TNKS: variants seen among roughly 807,000 people sequenced by gnomAD.
TNKS encodes poly [ADP-ribose] polymerase tankyrase-1.
A neutral mutation model predicts 135.8 loss-of-function variants in TNKS; 72 were observed. That is an observed-to-expected ratio of 0.53 (90% CI 0.44 to 0.64). TNKS has a LOEUF of 0.64. Among genes scored for constraint, TNKS ranks in the 30% least tolerant of loss-of-function variants. TNKS has a pLI of 0.00. For synonymous variants in TNKS, 849 were observed against 649.3 expected (o/e 1.31, Z -4.68); for missense variants, 1,769 against 1,674.0 (o/e 1.06, Z -0.99).
chr8:9,728,931 T>C (rs949579613), intron 13 of TNKS, among the ~76,000 whole-genome samples: 1 of 152,200 alleles, frequency 6.6e-6, no homozygotes, highest in African/African-American at 2.4e-5. Context: ...AGTCTATTTG[T>C]GCTGCTATAA....
rs1563187744 is a variant in TNKS, at chr8:9,717,092, TATATATA to T, written c.1750-3281_1750-3275del. On this transcript the variant is annotated intron_variant, in intron 11 of 26. Transcript: ENST00000310430. ...ATTATAATATATATATATATATATA[TATATATA>T]TATTTTCAGGGAATTTGATTGTTTC... Among the ~76,000 whole-genome samples the T allele has an allele frequency of 1.7e-3, 220 of 128,836 alleles. 4 individuals are homozygous for T. The highest frequency in any genetic ancestry group is 6.0e-3 in the African/African-American group (217 of 36,338). 84.5% of individuals were successfully genotyped at this position (128,836 alleles called of 152,430 possible).
chr8:9,662,740 TATA>T (rs552890151), intron 3 of TNKS, among the ~76,000 whole-genome samples: 6 of 152,108 alleles, frequency 3.9e-5, no homozygotes, highest in African/African-American at 1.2e-4. Context: ...AAACCTAAAG[TATA>T]ATAATAATAA....
chr8:9,714,483 T>C (rs1804503487), intron 11 of TNKS, among the ~76,000 whole-genome samples: 1 of 152,228 alleles, frequency 6.6e-6, no homozygotes, highest in Admixed American at 6.5e-5. Context: ...CCTTTAATTA[T>C]CTAAATTTTA....
At chr8:9,557,048 A>T (rs1815349602) in intron 1 of TNKS, 1 of 227,798 alleles carries the variant, frequency 4.4e-6, no homozygotes, top group Non-Finnish European at 8.7e-6. Flanking sequence ...ATGTTTGAGG[A>T]TCTATTGTAG....
intron 3 of TNKS, chr8:9,670,191 C>T (rs577767005): frequency 4.6e-5 from 7 of 152,276 alleles, no homozygotes; most frequent in Admixed American, 6.5e-5. Context: ...ATATGGAGGA[C>T]ACTTTGTAAG....
chr8:9,592,686 A>T (rs1311468573), intron 2 of TNKS, among the ~76,000 whole-genome samples: 3 of 152,200 alleles, frequency 2.0e-5, no homozygotes, highest in Non-Finnish European at 4.4e-5. Context: ...GTCTAATTAT[A>T]TTCAAGAAAC....
At chr8:9,677,858 C>G (rs1802611647) in intron 3 of TNKS, among the ~76,000 whole-genome samples, 1 of 152,036 alleles carries the variant, frequency 6.6e-6, no homozygotes, top group Non-Finnish European at 1.5e-5. Context: ...TACTTACAAC[C>G]ATTCCCCTTC....
chr8:9,764,422 C>T (rs1168885037), intron 22 of TNKS, among the ~76,000 whole-genome samples: 1 of 152,124 alleles, frequency 6.6e-6, no homozygotes, highest in Admixed American at 6.6e-5. Flanking sequence ...GTTAGTTCTT[C>T]TTCTCAATAA....
intron 26 of TNKS, among the ~76,000 whole-genome samples, chr8:9,771,650 T>G (rs571291134): frequency 1.0e-3 from 49 of 47,658 alleles, no homozygotes; most frequent in African/African-American, 2.2e-3. Context: ...GAGAGAGGGA[T>G]GAATGGAGGG....
chr8:9,631,544 C>G (rs971416168), intron 3 of TNKS, among the ~76,000 whole-genome samples: 5 of 152,166 alleles, frequency 3.3e-5, no homozygotes, highest in African/African-American at 7.2e-5. Flanking sequence ...ACTCTTGTCT[C>G]TATTTGGTAG....
At chr8:9,691,436 T>A (rs1803263291) in intron 5 of TNKS, among the ~76,000 whole-genome samples, 1 of 152,152 alleles carries the variant, frequency 6.6e-6, no homozygotes. Flanking sequence ...ACCAAGGAGA[T>A]CCCTGCCTGC....
At chr8:9,758,119 C>T (rs1379069335) in intron 20 of TNKS, among the ~76,000 whole-genome samples, 4 of 152,126 alleles carry the variant, frequency 2.6e-5, no homozygotes, top group African/African-American at 9.7e-5. Context: ...CTCATAAATA[C>T]ATTAATAGTA....
At position 9,772,669 on chromosome 8, in the gene TNKS, A is replaced by G. The variant is rs569019650; in HGVS notation, c.3897+2407A>G. Among the ~76,000 whole-genome samples, 6 of 152,250 alleles carry G rather than the reference A, an allele frequency of 3.9e-5. No individual in the cohort carries two copies. The East Asian group carries it at 1.2e-3, about 29-fold the overall frequency. On this transcript the variant is annotated intron_variant, in intron 26 of 26. Transcript: ENST00000310430. ...TTAAATAAAAGGATTGTATCAATGT[A>G]AAATTATAAGGTTGATTCTGTACTT...
At chr8:9,728,466 C>G (rs1805263038) in intron 13 of TNKS, among the ~76,000 whole-genome samples, 1 of 152,160 alleles carries the variant, frequency 6.6e-6, no homozygotes, top group Non-Finnish European at 1.5e-5. Flanking sequence ...TGTAGCCTCA[C>G]AAAATGAGTT....
At chr8:9,654,780 C>T (rs1448977419) in intron 3 of TNKS, among the ~76,000 whole-genome samples, 1 of 152,260 alleles carries the variant, frequency 6.6e-6, no homozygotes, top group East Asian at 1.9e-4. Flanking sequence ...GCCAAGATGG[C>T]CGAATAGGAA....
At chr8:9,741,647 T>G (rs762157808) in intron 17 of TNKS, 3 of 491,912 alleles carry the variant, frequency 6.1e-6, no homozygotes, top group Non-Finnish European at 1.3e-5. Flanking sequence ...GTATTTTACC[T>G]TTTGATCCCC....
At chr8:9,760,641 G>C (rs1483439507) in intron 20 of TNKS, among the ~76,000 whole-genome samples, 3 of 152,154 alleles carry the variant, frequency 2.0e-5, no homozygotes, top group Non-Finnish European at 4.4e-5. Context: ...TGCATGTTCA[G>C]CCTTCAAGAA....
At chr8:9,610,439 GA>G (rs1266819087) in intron 2 of TNKS, among the ~76,000 whole-genome samples, 1 of 151,728 alleles carries the variant, frequency 6.6e-6, no homozygotes, top group East Asian at 1.9e-4. Flanking sequence ...TTGTGTAGAA[GA>G]AATAGTGCAT....
At chr8:9,636,772 G>C (rs542906800) in intron 3 of TNKS, among the ~76,000 whole-genome samples, 2 of 152,138 alleles carry the variant, frequency 1.3e-5, no homozygotes, top group East Asian at 1.9e-4. Flanking sequence ...TTGAGAATAC[G>C]TTACGTTAGA....
Sources: gnomAD v4.1 joint callset for allele counts (sites outside exome capture counted in the v4.1 genomes callset) on GRCh38, gnomAD v4.1.1 for gene constraint, MANE v1.5 for transcripts, NCBI Gene and HGNC (gene_info 2026-07-23, HGNC 2026-07-21) for gene names.